ZNF541: variants seen among roughly 807,000 people sequenced by gnomAD.
ZNF541 encodes the protein zinc finger protein 541.
Under a neutral mutation model 123.5 loss-of-function variants are expected in ZNF541, and 23 were observed. The observed-to-expected ratio is 0.19, with a 90% CI of 0.13 to 0.26. The LOEUF (loss-of-function observed/expected upper bound fraction) is 0.26. Ranked by LOEUF, ZNF541 falls within the 10% of genes least tolerant of loss-of-function variation. ZNF541 has a pLI of 1.00. For synonymous variants in ZNF541, 751 were observed against 754.5 expected (o/e 1.00, Z 0.08); for missense variants, 1,612 against 1,789.9 (o/e 0.90, Z 1.79).
At chr19:47,571,449 A>T (rs1971475334) in intron 2 of ZNF541, among the ~76,000 whole-genome samples, 2 of 152,350 alleles carry the variant, frequency 1.3e-5, no homozygotes, top group South Asian at 4.1e-4. Context: ...GCTAGCATTT[A>T]AAAATCAGAA....
At chr19:47,560,553 G>C (rs899138521) in intron 2 of ZNF541, among the ~76,000 whole-genome samples, 5 of 143,854 alleles carry the variant, frequency 3.5e-5, no homozygotes, top group East Asian at 2.0e-4. Flanking sequence ...TCCAGCCTAG[G>C]AGACAAGGGC....
At chr19:47,540,590 C>A (rs1487573507) in intron 6 of ZNF541, among the ~76,000 whole-genome samples, 2 of 152,108 alleles carry the variant, frequency 1.3e-5, no homozygotes, top group Non-Finnish European at 2.9e-5. Flanking sequence ...CAGGTGTGTG[C>A]CAATATACGT....
intron 2 of ZNF541, among the ~76,000 whole-genome samples, chr19:47,561,306 C>T (rs961794462): frequency 2.6e-5 from 4 of 151,926 alleles, no homozygotes; most frequent in African/African-American, 7.3e-5. Flanking sequence ...GGCATGGTGG[C>T]ACATGCTTGT....
intron 3 of ZNF541, among the ~76,000 whole-genome samples, chr19:47,552,883 G>T (rs1970665120): frequency 1.3e-5 from 2 of 151,618 alleles, no homozygotes; most frequent in Non-Finnish European, 1.5e-5. Context: ...GGCCGAGGAG[G>T]GTGGATCATG....
chr19:47,559,420 A>G (rs976471984), intron 2 of ZNF541, among the ~76,000 whole-genome samples: 4 of 151,920 alleles, frequency 2.6e-5, no homozygotes, highest in Non-Finnish European at 4.4e-5. Context: ...AAGGAAGGAA[A>G]GAAAGACAGA....
chr19:47,537,194 C>A (rs1452896780), intron 9 of ZNF541, among the ~76,000 whole-genome samples: 1 of 152,098 alleles, frequency 6.6e-6, no homozygotes, highest in African/African-American at 2.4e-5. Flanking sequence ...TGTGAATATC[C>A]TAAAAATCAC....
intron 5 of ZNF541, among the ~76,000 whole-genome samples, chr19:47,542,207 C>T (rs182995873): frequency 1.3e-5 from 2 of 152,212 alleles, no homozygotes; most frequent in African/African-American, 4.8e-5. Flanking sequence ...AAAGGAGACT[C>T]GTGGCTGCCA....
intron 2 of ZNF541, among the ~76,000 whole-genome samples, chr19:47,570,576 TAAAAAAAAAAAA>T (rs35955168): frequency 1.5e-3 from 86 of 58,846 alleles, no homozygotes; most frequent in Middle Eastern, 0.023. Context: ...GACTCTGTCC[TAAAAAAAAAAAA>T]AAAAAAAAAA....
intron 5 of ZNF541, among the ~76,000 whole-genome samples, chr19:47,542,875 C>T (rs758697254): frequency 3.0e-4 from 45 of 152,038 alleles, no homozygotes; most frequent in Admixed American, 1.3e-4. Context: ...ACCCAGGAGG[C>T]GGAGGTTGCA....
At chr19:47,560,007 G>A (rs965266217) in intron 2 of ZNF541, among the ~76,000 whole-genome samples, 5 of 152,294 alleles carry the variant, frequency 3.3e-5, no homozygotes, top group Admixed American at 6.5e-5. Flanking sequence ...GGAGGGAACA[G>A]AGAGGATCTG....
At chr19:47,569,828 A>G (rs1971409629) in intron 2 of ZNF541, among the ~76,000 whole-genome samples, 1 of 152,000 alleles carries the variant, frequency 6.6e-6, no homozygotes, top group Non-Finnish European at 1.5e-5. Flanking sequence ...CCAGTGAGCC[A>G]GGATCACACC....
At chr19:47,571,118 C>CTT (rs560906578) in intron 2 of ZNF541, among the ~76,000 whole-genome samples, 1 of 145,016 alleles carries the variant, frequency 6.9e-6, no homozygotes, top group Admixed American at 6.9e-5. Context: ...CCTATGCTGT[C>CTT]TTTTTTTTTT....
Position 47,545,720 on chromosome 19 carries a change from G to C in ZNF541, c.809C>G (p.Pro270Arg). ...PEARSPGSLL[P>R]HRDLLRRIVS... ...GATGCGGCGCAGGAGGTCCCGGTGG[G>C]GCAGGAGGGAGCCGGGGGACCTGGC... The change falls in exon 5 of 17, where the codon CCC (proline) becomes CGC (arginine). Residue 270 changes from proline (P) to arginine (R), a missense_variant. Transcript: ENST00000391901. This position sits in a 1 kb window ranked among gnomAD's most constrained non-coding sequence, Gnocchi z 7.5. The C allele has an allele frequency of 6.5e-7, 1 of 1,546,704 alleles. No individual in the cohort carries two copies. The highest frequency in any genetic ancestry group is 8.7e-7 in the Non-Finnish European group (1 of 1,146,692).
At chr19:47,563,397 C>G (rs942061147) in intron 2 of ZNF541, among the ~76,000 whole-genome samples, 1 of 152,120 alleles carries the variant, frequency 6.6e-6, no homozygotes, top group Admixed American at 6.6e-5. Flanking sequence ...GGTTTGGCCA[C>G]CAGATGATAT....
rs536967639 is a variant in ZNF541, at chr19:47,554,519, C to T, written c.307+1031G>A. Among the ~76,000 whole-genome samples, 58 of 152,306 alleles carry T rather than the reference C, an allele frequency of 3.8e-4. No individual in the cohort carries two copies. The South Asian group carries it at 6.6e-3, about 17-fold the overall frequency. On this transcript the variant is annotated intron_variant, in intron 3 of 16. Coordinates refer to ENST00000391901, the MANE Select transcript of ZNF541 (RefSeq NM_001277075.3). ...TGAAGTGTGTTTACAATAGTTCCTT[C>T]TTTTGTTTTACTCTGGGGGGAAGCA... is the stretch of plus-strand genomic sequence containing the variant.
rs1397287228 is a variant in ZNF541, at chr19:47,536,082, G to A, written c.3094+2060C>T. ...GGATATGTCTGGCTAGTTATCTGCA[G>A]CAGGTGCATGTCCTTAAGGCACAGA... is the stretch of plus-strand genomic sequence containing the variant. On this transcript the variant is annotated intron_variant, in intron 9 of 16. Coordinates refer to ENST00000391901, the MANE Select transcript of ZNF541 (RefSeq NM_001277075.3). 5.9e-5 allele frequency among the ~76,000 whole-genome samples: 9 copies of A among 152,358 alleles called. No homozygotes were observed. In the East Asian group the frequency reaches 1.7e-3, roughly 29 times the overall value.
At chr19:47,570,724 T>G (rs2123448257) in intron 2 of ZNF541, among the ~76,000 whole-genome samples, 1 of 151,964 alleles carries the variant, frequency 6.6e-6, no homozygotes, top group Middle Eastern at 3.4e-3. Context: ...TAGATAAAGT[T>G]TACATAAACA....
intron 5 of ZNF541, 142 bp from the exon 6 acceptor site, chr19:47,541,093 A>G: frequency 1.4e-6 from 1 of 697,572 alleles, no homozygotes; most frequent in Non-Finnish European, 2.3e-6. Flanking sequence ...AAGACACCAA[A>G]GCAAAACAGA....
At chr19:47,572,852 T>C (rs1032178049) in intron 1 of ZNF541, among the ~76,000 whole-genome samples, 3 of 151,082 alleles carry the variant, frequency 2.0e-5, no homozygotes, top group Non-Finnish European at 4.4e-5. Flanking sequence ...GCCTGTGGGG[T>C]GCAGCGGGGC....
Sources: gnomAD v4.1 joint callset for allele counts (sites outside exome capture counted in the v4.1 genomes callset) on GRCh38, gnomAD v4.1.1 for gene constraint, Gnocchi (gnomAD v3.1) non-coding constraint, MANE v1.5 for transcripts, NCBI Gene and HGNC (gene_info 2026-07-23, HGNC 2026-07-21) for gene names.